Variants in TJP2 observed in about 807,000 individuals in gnomAD.
TJP2 encodes the protein tight junction protein 2.
Under a neutral mutation model 133.1 loss-of-function variants are expected in TJP2, and 91 were observed. The ratio of observed to expected loss-of-function variants is 0.68; its 90% CI spans 0.58 to 0.81. The LOEUF (loss-of-function observed/expected upper bound fraction) is 0.81, where lower values mean the gene tolerates loss of function less well. TJP2 is among the 40% of genes least tolerant of loss of function. TJP2 has a pLI of 0.00. For missense variants in TJP2, 1,541 were observed against 1,565.6 expected, an observed-to-expected ratio of 0.98 and a Z score of 0.26; for synonymous variants, 592 against 583.4, an observed-to-expected ratio of 1.01 and a Z score of -0.21.
chr9:69,203,152 G>A (rs181648219), intron 1 of TJP2, among the ~76,000 whole-genome samples: 3 of 151,916 alleles, frequency 2.0e-5, no homozygotes, highest in Non-Finnish European at 4.4e-5. Flanking sequence ...CGAGTTGCCT[G>A]GGTTCTCAGG....
intron 1 of TJP2, among the ~76,000 whole-genome samples, chr9:69,203,391 A>G (rs1827142757): frequency 6.6e-6 from 1 of 151,840 alleles, no homozygotes; most frequent in Non-Finnish European, 1.5e-5. Flanking sequence ...ATCTTGGCTC[A>G]CTGCAGGAGA....
chr9:69,159,225 A>G (rs1587932286), intron 2 of TJP2, among the ~76,000 whole-genome samples: 1 of 152,048 alleles, frequency 6.6e-6, no homozygotes, highest in Admixed American at 6.6e-5. Context: ...CTGAGGCAGG[A>G]AGATAACATC....
At chr9:69,224,246 C>T (rs1421681515) in intron 5 of TJP2, among the ~76,000 whole-genome samples, 1 of 152,172 alleles carries the variant, frequency 6.6e-6, no homozygotes, top group Non-Finnish European at 1.5e-5. Flanking sequence ...CACTGAATTC[C>T]TTTCAATGCC....
chr9:69,148,804 A>G (rs542771354), intron 1 of TJP2, among the ~76,000 whole-genome samples: 3 of 152,328 alleles, frequency 2.0e-5, no homozygotes, highest in South Asian at 4.1e-4. Context: ...TCATTGAAAC[A>G]GAGATTGGAT....
At chr9:69,206,888 T>C (rs1827468685) in intron 1 of TJP2, among the ~76,000 whole-genome samples, 1 of 152,226 alleles carries the variant, frequency 6.6e-6, no homozygotes, top group African/African-American at 2.4e-5. Context: ...CATCTCCCTA[T>C]TTTTTAAACT....
At chr9:69,225,247 C>G in intron 5 of TJP2, 57 bp from the exon 6 acceptor site, 2 of 1,163,044 alleles carry the variant, frequency 1.7e-6, no homozygotes, top group Non-Finnish European at 1.3e-6. Flanking sequence ...ATAAACCAGA[C>G]TAAGTTTTTT....
intron 18 of TJP2, among the ~76,000 whole-genome samples, chr9:69,247,559 A>G (rs1364360007): frequency 6.6e-6 from 1 of 152,190 alleles, no homozygotes; most frequent in African/African-American, 2.4e-5. Context: ...GGGGGATGCA[A>G]GCTTCCCTGG....
At chr9:69,247,291 G>T (rs1484269333) in intron 18 of TJP2, among the ~76,000 whole-genome samples, 1 of 152,242 alleles carries the variant, frequency 6.6e-6, no homozygotes, top group Non-Finnish European at 1.5e-5. Context: ...TAGGCCTCTA[G>T]AATTGGATCG....
At chr9:69,221,629 C>G (rs758591115) in intron 5 of TJP2, 133 bp downstream of exon 5, 13 of 1,208,758 alleles carry the variant, frequency 1.1e-5, no homozygotes, top group Admixed American at 4.1e-5. Context: ...TCTCGGCTCA[C>G]TGCAACCTCC....
chr9:69,251,717 C>T (rs1469665113), intron 21 of TJP2, among the ~76,000 whole-genome samples: 5 of 151,896 alleles, frequency 3.3e-5, no homozygotes, highest in African/African-American at 4.8e-5. Flanking sequence ...CCAGATTTGC[C>T]GTAGAAACCA....
chr9:69,235,498 A>AT (rs1830118963), intron 12 of TJP2, among the ~76,000 whole-genome samples: 3 of 151,294 alleles, frequency 2.0e-5, no homozygotes, highest in African/African-American at 4.9e-5. Context: ...AATTTTTTGT[A>AT]TTTTTAGTAG....
At chr9:69,250,885 T>G (rs1588161387) in intron 20 of TJP2, 150 bp from the exon 21 acceptor site, 107 of 864,474 alleles carry the variant, frequency 1.2e-4, no homozygotes, top group African/African-American at 1.7e-5. Context: ...CCAGTGGCTG[T>G]TTGCCCTGCT....
chr9:69,145,803 C>G (rs932129987), intron 1 of TJP2: 76 of 1,231,966 alleles, frequency 6.2e-5, no homozygotes, highest in Non-Finnish European at 7.5e-5. Context: ...ACACGTGAAC[C>G]TTTGGCAACA....
chr9:69,153,003 C>T (rs547780729), intron 2 of TJP2, among the ~76,000 whole-genome samples: 4 of 151,150 alleles, frequency 2.6e-5, no homozygotes, highest in Non-Finnish European at 5.9e-5. Flanking sequence ...GTGGGAGGAT[C>T]GCTTGAGGCC....
intron 2 of TJP2, among the ~76,000 whole-genome samples, chr9:69,154,626 TAA>T (rs1333437187): frequency 2.6e-4 from 36 of 139,002 alleles, no homozygotes; most frequent in Admixed American, 5.8e-4. Flanking sequence ...CTGTCTCCAT[TAA>T]AAAAAAAAAA....
chr9:69,195,055 G>A (rs10869997), intron 1 of TJP2, among the ~76,000 whole-genome samples: 57,701 of 152,004 alleles, frequency 0.38, 11,216 homozygotes, highest in South Asian at 0.44. Context: ...TTGACCTTGT[G>A]TGTTTCCTAT....
At chr9:69,250,054 GT>G (rs910089629) in intron 20 of TJP2, among the ~76,000 whole-genome samples, 1 of 152,104 alleles carries the variant, frequency 6.6e-6, no homozygotes, top group Admixed American at 6.5e-5. Context: ...GTGACTCTAT[GT>G]TTTTCCTTAT....
chr9:69,221,917 G>A (rs1828903902), intron 5 of TJP2, among the ~76,000 whole-genome samples: 1 of 147,614 alleles, frequency 6.8e-6, no homozygotes, highest in Admixed American at 6.8e-5. Flanking sequence ...TGTTGCCCAG[G>A]CTGGAGTGCA....
intron 1 of TJP2, among the ~76,000 whole-genome samples, chr9:69,145,266 G>A (rs1028336952): frequency 2.6e-5 from 4 of 152,160 alleles, no homozygotes; most frequent in Non-Finnish European, 5.9e-5. Flanking sequence ...TTTGTAGAAA[G>A]AGCAAATCTG....
Sources: gnomAD v4.1 joint callset for allele counts (sites outside exome capture counted in the v4.1 genomes callset) on GRCh38, gnomAD v4.1.1 for gene constraint, MANE v1.5 for transcripts, NCBI Gene and HGNC (gene_info 2026-07-23, HGNC 2026-07-21) for gene names.